Variants in RFX3 observed in about 807,000 individuals in gnomAD.
RFX3 encodes the protein transcription factor RFX3.
In RFX3, 14 loss-of-function variants were observed where a neutral mutation model predicts 98.6. That is an observed-to-expected ratio of 0.14 (90% CI 0.09 to 0.22). The LOEUF (loss-of-function observed/expected upper bound fraction) is 0.22. Ranked by LOEUF, RFX3 falls within the 10% of genes least tolerant of loss-of-function variation. RFX3 has a pLI of 1.00. For missense variants in RFX3, 639 were observed against 926.9 expected (o/e 0.69, Z 4.03); for synonymous variants, 383 against 328.4 (o/e 1.17, Z -1.80).
intron 1 of RFX3, among the ~76,000 whole-genome samples, chr9:3,459,079 T>C (rs963556808): frequency 2.0e-5 from 3 of 152,144 alleles, no homozygotes; most frequent in African/African-American, 7.2e-5. Flanking sequence ...TCTGAGTATG[T>C]CTTGGGAGCT....
intron 4 of RFX3, among the ~76,000 whole-genome samples, chr9:3,314,651 A>T (rs1165471066): frequency 6.6e-6 from 1 of 152,174 alleles, no homozygotes; most frequent in Non-Finnish European, 1.5e-5. Flanking sequence ...AGACACACAT[A>T]GGCTCAAAAT....
At position 3,274,758 on chromosome 9, in the gene RFX3, C is replaced by G. The variant is rs148030449; in HGVS notation, c.1086+742G>C. Among the ~76,000 whole-genome samples the G allele has an allele frequency of 9.6e-4, 146 of 152,140 alleles. No homozygotes were observed. The East Asian group carries it at 0.016, about 17-fold the overall frequency. On this transcript the variant is annotated intron_variant, in intron 9 of 16. Transcript: ENST00000617270. Reference sequence around the variant, plus strand: ...ACAGGTCTGTTGAAAAGTTGAGTCTCTCCCCTCTAACTCCCAGTCACCCAG... The same window carrying G: ...ACAGGTCTGTTGAAAAGTTGAGTCTGTCCCCTCTAACTCCCAGTCACCCAG...
At chr9:3,488,635 T>C in intron 1 of RFX3, 1 of 212,388 alleles carries the variant, frequency 4.7e-6, no homozygotes, top group Non-Finnish European at 8.1e-6. Context: ...GTAACTTCTA[T>C]ACATAAATGC....
chr9:3,445,655 T>C (rs1271372856), intron 1 of RFX3, among the ~76,000 whole-genome samples: 1 of 152,186 alleles, frequency 6.6e-6, no homozygotes, highest in East Asian at 1.9e-4. Context: ...TTTCTCATGT[T>C]ATGCATCCAG....
In RFX3 at chr9:3,501,846, C is replaced by T. The variant is rs564116897; in HGVS notation, c.-9+23901G>A. On this transcript the variant is annotated intron_variant, in intron 1 of 16. Coordinates refer to ENST00000617270, the MANE Select transcript of RFX3 (RefSeq NM_001282116.2). ...TGCTGGAATTACAGATGTGAGCCACCGTGCCCTGCCCAAAGAAATTTTTAA... is the reference window on the plus strand; with the variant it reads ...TGCTGGAATTACAGATGTGAGCCACTGTGCCCTGCCCAAAGAAATTTTTAA... 3.3e-5 allele frequency among the ~76,000 whole-genome samples: 5 copies of T among 151,678 alleles called. No homozygotes were observed. The South Asian group carries it at 8.4e-4, about 25-fold the overall frequency.
At chr9:3,284,328 G>C (rs1188964274) in intron 7 of RFX3, among the ~76,000 whole-genome samples, 1 of 151,660 alleles carries the variant, frequency 6.6e-6, no homozygotes, top group African/African-American at 2.4e-5. Context: ...AATTACTGAT[G>C]TCCTTTTTGC....
chr9:3,504,944 A>ATATTATATATAATATATCTTATATAAT (rs1564185928), intron 1 of RFX3, among the ~76,000 whole-genome samples: 1 of 59,328 alleles, frequency 1.7e-5, no homozygotes, highest in African/African-American at 1.0e-4. Flanking sequence ...TAATATATAT[A>ATATTATATATAATATATCTTATATAAT]ATATAATATA....
rs1483283230 is a variant in RFX3, at chr9:3,366,719, T to TTTC, written c.118-19958_118-19956dup. Among the ~76,000 whole-genome samples, 48 of 144,564 alleles carry TTTC rather than the reference T, an allele frequency of 3.3e-4. 2 individuals carry two copies. The East Asian group carries it at 9.1e-3, about 27-fold the overall frequency. 94.8% of individuals were successfully genotyped at this position (144,564 alleles called of 152,430 possible). Reference sequence around the variant, plus strand: ...CTTTCTTTCTTTCTTTCTTTCTTTCTTTCTTTCTTTCTTTCTTTCTTTCTT... The same window carrying TTTC: ...CTTTCTTTCTTTCTTTCTTTCTTTCTTTCTTCTTTCTTTCTTTCTTTCTTTCTT... On this transcript the variant is annotated intron_variant, in intron 2 of 16. Transcript: ENST00000617270.
intron 3 of RFX3, among the ~76,000 whole-genome samples, chr9:3,341,961 C>A (rs898480283): frequency 1.3e-5 from 2 of 152,020 alleles, no homozygotes; most frequent in African/African-American, 4.8e-5. Context: ...CTGCAAATAT[C>A]GAAATTTCAC....
intron 1 of RFX3, among the ~76,000 whole-genome samples, chr9:3,500,088 A>G (rs1464991906): frequency 6.6e-6 from 1 of 152,196 alleles, no homozygotes; most frequent in Non-Finnish European, 1.5e-5. Context: ...ACCCCAGAGC[A>G]ACAAACAGAG....
chr9:3,373,153 G>A (rs186231046), intron 2 of RFX3, among the ~76,000 whole-genome samples: 43 of 152,198 alleles, frequency 2.8e-4, no homozygotes, highest in Admixed American at 1.8e-3. Flanking sequence ...AAATATTCAT[G>A]AGGCTTTATA....
intron 1 of RFX3, among the ~76,000 whole-genome samples, chr9:3,426,560 T>G (rs1484388490): frequency 6.6e-6 from 1 of 152,058 alleles, no homozygotes; most frequent in Non-Finnish European, 1.5e-5. Context: ...CAGTGAAGCT[T>G]CATCTCTATT....
At chr9:3,376,229 G>C (rs563892793) in intron 2 of RFX3, among the ~76,000 whole-genome samples, 2 of 152,134 alleles carry the variant, frequency 1.3e-5, no homozygotes, top group Non-Finnish European at 2.9e-5. Context: ...CTCATATACT[G>C]CTGGTGGGAA....
chr9:3,510,482 T>A (rs1398225715), intron 1 of RFX3, among the ~76,000 whole-genome samples: 5 of 152,078 alleles, frequency 3.3e-5, no homozygotes, highest in Non-Finnish European at 7.4e-5. Flanking sequence ...GGCTGATTTT[T>A]AAATTATATC....
chr9:3,507,522 G>A (rs1238821175), intron 1 of RFX3, among the ~76,000 whole-genome samples: 1 of 151,852 alleles, frequency 6.6e-6, no homozygotes, highest in Non-Finnish European at 1.5e-5. Flanking sequence ...CAGTGGCAGA[G>A]CTCGAATTCA....
chr9:3,303,014 A>C (rs1828849648), intron 4 of RFX3, among the ~76,000 whole-genome samples: 4 of 151,844 alleles, frequency 2.6e-5, no homozygotes, highest in Admixed American at 6.6e-5. Context: ...ATTCATAGGA[A>C]GATGTAATAC....
chr9:3,292,387 G>A (rs922355300), intron 6 of RFX3, among the ~76,000 whole-genome samples: 1 of 152,008 alleles, frequency 6.6e-6, no homozygotes, highest in African/African-American at 2.4e-5. Context: ...AGAAAAACCA[G>A]AAACAACTTC....
rs369228838 is a variant in RFX3, at chr9:3,252,391, C to T, written c.1815-4206G>A. Among the ~76,000 whole-genome samples, 130 of 152,200 alleles carry T rather than the reference C, an allele frequency of 8.5e-4. 1 individual carries two copies. Among genetic ancestry groups the T allele is most frequent in the African/African-American group, 3.1e-3 (128 of 41,534 alleles). ...TTAGGGAGTAAGAGATCCTATAAAT[C>T]AGGGCCAGAGATTGGAGAGTGATGA... On this transcript the variant is annotated intron_variant, in intron 14 of 16. Coordinates refer to ENST00000617270, the MANE Select transcript of RFX3 (RefSeq NM_001282116.2).
intron 1 of RFX3, among the ~76,000 whole-genome samples, chr9:3,467,191 T>C (rs1848365810): frequency 7.0e-6 from 1 of 142,560 alleles, no homozygotes; most frequent in Non-Finnish European, 1.5e-5. Flanking sequence ...TGTATATACA[T>C]ATATAATGTA....
Sources: gnomAD v4.1 joint callset for allele counts (sites outside exome capture counted in the v4.1 genomes callset) on GRCh38, gnomAD v4.1.1 for gene constraint, MANE v1.5 for transcripts, NCBI Gene and HGNC (gene_info 2026-07-23, HGNC 2026-07-21) for gene names.